Variants in XIRP2 observed in about 807,000 individuals in gnomAD.
XIRP2 encodes xin actin binding repeat containing 2.
XIRP2 carries 236 observed loss-of-function variants against 277.0 expected under a neutral mutation model. That is an observed-to-expected ratio of 0.85 (90% CI 0.77 to 0.95). XIRP2 has a LOEUF of 0.95. XIRP2 is among the 40% of genes least tolerant of loss of function. The probability of loss-of-function intolerance (pLI) is 0.00; values close to 1 mark genes in which losing one functional copy is unlikely to be tolerated. For missense variants in XIRP2, 4,640 were observed against 4,157.5 expected (o/e 1.12, Z -3.19); for synonymous variants, 1,490 against 1,416.5 (o/e 1.05, Z -1.17).
At chr2:166,918,484 GA>G (rs931536508) in intron 2 of XIRP2, among the ~76,000 whole-genome samples, 1 of 151,866 alleles carries the variant, frequency 6.6e-6, no homozygotes, top group African/African-American at 2.4e-5. Context: ...ACAGGGAAGG[GA>G]AAAAATATTC....
intron 8 of XIRP2, among the ~76,000 whole-genome samples, chr2:167,242,250 C>A (rs916592222): frequency 1.3e-5 from 2 of 152,094 alleles, no homozygotes; most frequent in Admixed American, 6.5e-5. Flanking sequence ...TACTTTAAGA[C>A]TTTTACTGTT....
At chr2:167,122,617 C>T (rs1691088676) in intron 2 of XIRP2, among the ~76,000 whole-genome samples, 1 of 152,146 alleles carries the variant, frequency 6.6e-6, no homozygotes, top group Admixed American at 6.6e-5. Context: ...CTGATTCTTC[C>T]TTCTGAAAGA....
chr2:167,214,226 G>GAGGGAGGGAGGGAGGGAGGGAGGA (rs1323240476), intron 4 of XIRP2, among the ~76,000 whole-genome samples: 1 of 67,294 alleles, frequency 1.5e-5, no homozygotes, highest in African/African-American at 9.9e-5. Context: ...GGGAGGGAGG[G>GAGGGAGGGAGGGAGGGAGGGAGGA]AGGAAGGAAG....
intron 2 of XIRP2, among the ~76,000 whole-genome samples, chr2:166,994,714 T>G (rs1295999244): frequency 6.6e-6 from 1 of 151,674 alleles, no homozygotes; most frequent in African/African-American, 2.4e-5. Flanking sequence ...TTTAAAAATT[T>G]GAGTAAGATC....
chr2:167,165,671 C>T (rs1433812606), intron 3 of XIRP2, among the ~76,000 whole-genome samples: 1 of 152,096 alleles, frequency 6.6e-6, no homozygotes, highest in Non-Finnish European at 1.5e-5. Context: ...AATGTTTGGC[C>T]TGTTGTTTAA....
intron 3 of XIRP2, 118 bp from the exon 4 acceptor site, chr2:167,210,617 A>C: frequency 7.6e-7 from 1 of 1,324,376 alleles, no homozygotes; most frequent in Non-Finnish European, 1.0e-6. Context: ...AATATTGTGA[A>C]ATGCTACAGT....
intron 2 of XIRP2, among the ~76,000 whole-genome samples, chr2:167,002,024 T>C (rs1687387520): frequency 6.6e-6 from 1 of 152,140 alleles, no homozygotes; most frequent in Non-Finnish European, 1.5e-5. Flanking sequence ...ATTACCATGC[T>C]GTTCACTAAA....
At chr2:167,034,277 T>G (rs188566086) in intron 2 of XIRP2, among the ~76,000 whole-genome samples, 4 of 151,816 alleles carry the variant, frequency 2.6e-5, no homozygotes, top group Admixed American at 2.0e-4. Flanking sequence ...TAACATTAAA[T>G]AAAAAAACTT....
chr2:167,133,754 A>C (rs1691452117), intron 2 of XIRP2, among the ~76,000 whole-genome samples: 1 of 152,212 alleles, frequency 6.6e-6, no homozygotes, highest in South Asian at 2.1e-4. Flanking sequence ...AAACAAAACA[A>C]GCAAACATAC....
intron 2 of XIRP2, among the ~76,000 whole-genome samples, chr2:167,068,135 G>A (rs1689344195): frequency 6.6e-6 from 1 of 151,956 alleles, no homozygotes; most frequent in African/African-American, 2.4e-5. Context: ...ATTTTCTAAT[G>A]TCTTGTATTA....
chr2:167,239,697 G>T (rs1455973366), intron 5 of XIRP2, among the ~76,000 whole-genome samples, 158 bp from the exon 6 acceptor site: 1 of 152,190 alleles, frequency 6.6e-6, no homozygotes, highest in Non-Finnish European at 1.5e-5. Context: ...GCCATTTTAA[G>T]CCACTAAACT....
At position 167,254,032 on chromosome 2, in the gene XIRP2, A is replaced by T; in HGVS notation, c.10556A>T (p.Glu3519Val). The change falls in exon 10 of 11, where the codon GAA (glutamate) becomes GTA (valine). Residue 3519 changes from glutamate to valine, a missense_variant and splice_region_variant. Coordinates refer to ENST00000409195, the MANE Select transcript of XIRP2 (RefSeq NM_152381.6). ...AGGCTTTGTAAATTTTTATTTTTAG[A>T]AGCTGCTGCTCCAAGACAAGGAAAT... is the stretch of plus-strand genomic sequence containing the variant. Reference protein sequence around the residue: ...TFQEESAFISEAAAPRQGNMY... With the variant: ...TFQEESAFISVAAAPRQGNMY... 6.3e-7 allele frequency: 1 copy of T among 1,576,890 alleles called. No homozygotes were observed. The highest frequency in any genetic ancestry group is 8.6e-7 in the Non-Finnish European group (1 of 1,163,830).
At chr2:167,215,678 C>A (rs1221604755) in intron 4 of XIRP2, among the ~76,000 whole-genome samples, 2 of 152,078 alleles carry the variant, frequency 1.3e-5, no homozygotes, top group Admixed American at 1.3e-4. Flanking sequence ...CCTCAGGAGA[C>A]CTGCTCTGAT....
intron 1 of XIRP2, among the ~76,000 whole-genome samples, chr2:166,900,502 T>C (rs1284774098): frequency 1.3e-5 from 2 of 152,114 alleles, no homozygotes; most frequent in Non-Finnish European, 2.9e-5. Context: ...TGTTTTCTGC[T>C]TTGGTTTAGG....
intron 2 of XIRP2, among the ~76,000 whole-genome samples, chr2:166,971,919 G>A (rs1053076746): frequency 6.6e-6 from 1 of 151,898 alleles, no homozygotes; most frequent in Non-Finnish European, 1.5e-5. Flanking sequence ...TTTTAGATAC[G>A]ACCAACAGAA....
Position 167,247,498 on chromosome 2 carries a change from A to G in XIRP2, c.6106A>G (p.Asn2036Asp), listed in dbSNP as rs1336020345. 6.2e-7 allele frequency: 1 copy of G among 1,613,670 alleles called. No homozygotes were observed. Among genetic ancestry groups the G allele is most frequent in the Non-Finnish European group, 8.5e-7 (1 of 1,179,800 alleles). Residue 2036 changes from asparagine (N) to aspartate (D), a missense_variant, in exon 9 of 11, where the codon AAT becomes GAT. Physicochemically the swap from Asn to Asp is conservative, Grantham distance 23. Transcript: ENST00000409195. ...GATTGTCATAGATCGTGAACAAAACAATGATGCTCTGGAGAAAAGCCTTAG... is the reference window on the plus strand; with the variant it reads ...GATTGTCATAGATCGTGAACAAAACGATGATGCTCTGGAGAAAAGCCTTAG... ...VKIVIDREQN[N>D]DALEKSLRRL...
rs1340789959 is a variant in XIRP2, at chr2:167,249,327, T to G, written c.7935T>G (p.Val2645=). Residue 2645 remains valine, a synonymous_variant, in exon 9 of 11, where the codon GTT becomes GTG. Transcript: ENST00000409195. ...TCGCTGCCAAGAGGCTCCACCATGT[T>G]TTAGCAGCTTCAGAAGACAAAGATA... ...ETVAAKRLHH[V]LAASEDKDKM... is the part of the protein sequence containing the mutation. 7 of 1,613,778 alleles carry G rather than the reference T, an allele frequency of 4.3e-6. No homozygotes were observed.
At position 167,248,738 on chromosome 2, in the gene XIRP2, C is replaced by T. The variant is rs750028162; in HGVS notation, c.7346C>T (p.Ser2449Phe). 1.2e-6 allele frequency: 2 copies of T among 1,613,552 alleles called. No homozygotes were observed. Among genetic ancestry groups the T allele is most frequent in the Non-Finnish European group, 1.7e-6 (2 of 1,179,812 alleles). Reference protein sequence around the residue: ...DFSPKVELATSLSDMECKITT... With the variant: ...DFSPKVELATFLSDMECKITT... ...TCCCCCAAAGTTGAACTGGCAACCT[C>T]CCTGTCAGATATGGAATGTAAAATT... Residue 2449 changes from serine (S) to phenylalanine (F), a missense_variant, in exon 9 of 11, where the codon TCC (serine) becomes TTC (phenylalanine). Physicochemically the swap from Ser to Phe is radical, Grantham distance 155. Coordinates refer to ENST00000409195, the MANE Select transcript of XIRP2 (RefSeq NM_152381.6).
At chr2:166,934,433 G>A (rs1685437146) in intron 2 of XIRP2, among the ~76,000 whole-genome samples, 1 of 152,144 alleles carries the variant, frequency 6.6e-6, no homozygotes, top group South Asian at 2.1e-4. Context: ...CTTTTCCCTA[G>A]TGAGCCTCTG....
Sources: allele counts gnomAD v4.1 joint callset (sites outside exome capture counted in the v4.1 genomes callset), GRCh38; gene constraint gnomAD v4.1.1; transcripts MANE v1.5; gene names NCBI Gene and HGNC (gene_info 2026-07-23, HGNC 2026-07-21).